FHIT: variants seen among roughly 807,000 people sequenced by gnomAD.
The protein encoded by FHIT is fragile histidine triad diadenosine triphosphatase, also known as bis(5'-adenosyl)-triphosphatase.
Under a neutral mutation model 17.9 loss-of-function variants are expected in FHIT, and 19 were observed. The ratio of observed to expected loss-of-function variants is 1.06; its 90% CI spans 0.74 to 1.56. The LOEUF (loss-of-function observed/expected upper bound fraction) is 1.56, where lower values mean the gene tolerates loss of function less well. Among genes scored for constraint, FHIT ranks in the 40% most tolerant of loss-of-function variants. FHIT has a pLI of 0.00. For synonymous variants in FHIT, 81 were observed against 69.7 expected (o/e 1.16, Z -0.81); for missense variants, 248 against 189.2 (o/e 1.31, Z -1.82).
intron 5 of FHIT, among the ~76,000 whole-genome samples, chr3:60,301,958 G>GA (rs768934068): frequency 6.6e-6 from 1 of 151,270 alleles, no homozygotes; most frequent in Non-Finnish European, 1.5e-5. Context: ...CTTATAAAAG[G>GA]AAAAAAAAGT....
At chr3:60,930,545 G>C (rs1249960057) in intron 3 of FHIT, among the ~76,000 whole-genome samples, 1 of 152,166 alleles carries the variant, frequency 6.6e-6, no homozygotes, top group African/African-American at 2.4e-5. Flanking sequence ...CCATCAAAAA[G>C]TGGGTGAAGG....
intron 5 of FHIT, among the ~76,000 whole-genome samples, chr3:60,467,997 A>C (rs2107438124): frequency 6.6e-6 from 1 of 152,240 alleles, no homozygotes; most frequent in East Asian, 1.9e-4. Flanking sequence ...ATATATATTT[A>C]CAATTGTTAT....
At chr3:59,810,417 C>T (rs1272546020) in intron 8 of FHIT, among the ~76,000 whole-genome samples, 1 of 152,150 alleles carries the variant, frequency 6.6e-6, no homozygotes, top group Non-Finnish European at 1.5e-5. Flanking sequence ...AGTGACCCTC[C>T]CAAATCAATC....
chr3:60,971,262 C>G (rs544755476), intron 3 of FHIT, among the ~76,000 whole-genome samples: 1 of 152,214 alleles, frequency 6.6e-6, no homozygotes, highest in African/African-American at 2.4e-5. Flanking sequence ...CCCAGCTACT[C>G]AGGAGTCTGA....
chr3:60,273,416 G>A (rs943836675), intron 5 of FHIT, among the ~76,000 whole-genome samples: 4 of 151,960 alleles, frequency 2.6e-5, no homozygotes, highest in African/African-American at 9.7e-5. Flanking sequence ...AGACCAGCCT[G>A]GCCAACATAG....
intron 1 of FHIT, among the ~76,000 whole-genome samples, chr3:61,242,302 A>C (rs1383989605): frequency 4.6e-5 from 7 of 152,052 alleles, no homozygotes; most frequent in Non-Finnish European, 8.8e-5. Flanking sequence ...AAAAAAAAAA[A>C]CACCTCTGCC....
At chr3:60,619,469 G>A (rs782072992) in intron 4 of FHIT, among the ~76,000 whole-genome samples, 2 of 151,998 alleles carry the variant, frequency 1.3e-5, no homozygotes, top group African/African-American at 4.8e-5. Flanking sequence ...GACTTCAAGA[G>A]TTAGAACAAA....
intron 7 of FHIT, among the ~76,000 whole-genome samples, chr3:59,925,905 T>G (rs1705636958): frequency 6.6e-6 from 1 of 152,214 alleles, no homozygotes; most frequent in Non-Finnish European, 1.5e-5. Flanking sequence ...TAGAATGACA[T>G]TCTGATAAAA....
intron 7 of FHIT, among the ~76,000 whole-genome samples, chr3:59,974,311 C>T (rs1299650298): frequency 6.6e-6 from 1 of 152,128 alleles, no homozygotes; most frequent in Non-Finnish European, 1.5e-5. Context: ...TACAGTAAGT[C>T]CAGGAGTCTT....
intron 5 of FHIT, among the ~76,000 whole-genome samples, chr3:60,377,600 G>A (rs1352948725): frequency 1.4e-5 from 2 of 143,400 alleles, no homozygotes; most frequent in African/African-American, 2.6e-5. Context: ...TCCTGCCTCA[G>A]CCTCCCGAGT....
At chr3:59,963,106 A>T (rs562886228) in intron 7 of FHIT, among the ~76,000 whole-genome samples, 10 of 152,024 alleles carry the variant, frequency 6.6e-5, no homozygotes, top group Admixed American at 2.0e-4. Flanking sequence ...ATACACACAC[A>T]TAAAAAAAAA....
intron 4 of FHIT, among the ~76,000 whole-genome samples, chr3:60,794,084 C>A (rs1358809951): frequency 1.3e-5 from 2 of 151,198 alleles, no homozygotes; most frequent in African/African-American, 4.9e-5. Context: ...TCTCTCACCC[C>A]CACCTTCCAC....
chr3:60,742,919 A>C (rs2042268302), intron 4 of FHIT, among the ~76,000 whole-genome samples: 1 of 152,264 alleles, frequency 6.6e-6, no homozygotes. Flanking sequence ...TGCTATGCAG[A>C]AGGAAAATAA....
At chr3:61,054,080 G>A (rs1350776130) in intron 2 of FHIT, among the ~76,000 whole-genome samples, 1 of 152,210 alleles carries the variant, frequency 6.6e-6, no homozygotes, top group Non-Finnish European at 1.5e-5. Context: ...CAGCCTGTGT[G>A]AATAAACAGC....
chr3:60,122,470 C>T (rs183041527), intron 5 of FHIT, among the ~76,000 whole-genome samples: 25 of 152,090 alleles, frequency 1.6e-4, no homozygotes, highest in Admixed American at 6.6e-4. Flanking sequence ...GAAACATGAA[C>T]GTCTTGGAAC....
intron 4 of FHIT, among the ~76,000 whole-genome samples, chr3:60,614,279 G>A (rs376208973): frequency 5.3e-5 from 8 of 152,080 alleles, no homozygotes; most frequent in Admixed American, 2.0e-4. Flanking sequence ...GCTTAATATC[G>A]CTCTGGAAGC....
intron 5 of FHIT, among the ~76,000 whole-genome samples, chr3:60,378,360 T>G (rs888740500): frequency 1.3e-5 from 2 of 152,226 alleles, no homozygotes; most frequent in South Asian, 4.1e-4. Context: ...CCAACAATTG[T>G]AACGTTTGCC....
intron 7 of FHIT, among the ~76,000 whole-genome samples, chr3:59,947,713 G>A (rs558020807): frequency 3.3e-4 from 51 of 152,264 alleles, no homozygotes; most frequent in African/African-American, 1.2e-3. Context: ...CTGCTGTGCT[G>A]GAGGGGCATA....
At chr3:59,952,332 A>G (rs1355548543) in intron 7 of FHIT, among the ~76,000 whole-genome samples, 1 of 152,162 alleles carries the variant, frequency 6.6e-6, no homozygotes, top group Non-Finnish European at 1.5e-5. Flanking sequence ...TGGCCATTGC[A>G]CCACCAAAGC....
Sources: gnomAD v4.1 joint callset for allele counts (sites outside exome capture counted in the v4.1 genomes callset) on GRCh38, gnomAD v4.1.1 for gene constraint, MANE v1.5 for transcripts, NCBI Gene and HGNC (gene_info 2026-07-23, HGNC 2026-07-21) for gene names.